Variants in ZNF469 observed in about 807,000 individuals in gnomAD.
The protein encoded by ZNF469 is zinc finger protein 469.
In ZNF469, 1 loss-of-function variant was observed where a neutral mutation model predicts 1.0. The ratio of observed to expected loss-of-function variants is 1.00; its 90% CI spans 0.35 to 4.73. The LOEUF is 4.73. ZNF469 is among the 30% of genes most tolerant of loss of function. The pLI, the probability that ZNF469 is intolerant of heterozygous loss-of-function variation, is 0.16. For synonymous variants in ZNF469, 2,703 were observed against 2,363.4 expected (o/e 1.14, Z -4.17); for missense variants, 6,100 against 5,356.3 (o/e 1.14, Z -4.33).
chr16:88,372,618 G>T, the ZNF469 span, among the ~76,000 whole-genome samples: 1 of 134,150 alleles, frequency 7.5e-6, no homozygotes, highest in Non-Finnish European at 1.6e-5. Context: ...CATGATCTTT[G>T]TCATCTTCAC....
chr16:88,123,458 C>A, the ZNF469 span, among the ~76,000 whole-genome samples: 1 of 151,994 alleles, frequency 6.6e-6, no homozygotes, highest in Non-Finnish European at 1.5e-5. Context: ...GAATAAACTG[C>A]CGTGGATGAA....
chr16:88,130,702 G>A, the ZNF469 span, among the ~76,000 whole-genome samples: 4 of 69,070 alleles, frequency 5.8e-5, no homozygotes, highest in African/African-American at 2.4e-4. Flanking sequence ...GTGAAACTCT[G>A]TGTCAAAAAA....
chr16:88,240,312 C>T, the ZNF469 span, among the ~76,000 whole-genome samples: 280 of 152,218 alleles, frequency 1.8e-3, 1 homozygote, highest in African/African-American at 6.3e-3. Flanking sequence ...TCCAGTCATT[C>T]CTCTAATAAT....
intron 1 of ZNF469, among the ~76,000 whole-genome samples, chr16:88,393,947 G>A (rs954211019): frequency 2.0e-5 from 3 of 152,210 alleles, no homozygotes; most frequent in African/African-American, 7.2e-5. Context: ...CTACACCTCT[G>A]CTGTCCGACA....
the ZNF469 span, among the ~76,000 whole-genome samples, chr16:88,139,865 G>C: frequency 6.6e-6 from 1 of 152,212 alleles, no homozygotes. Flanking sequence ...GAAATTCACA[G>C]AACCCCAGGC....
At chr16:88,336,391 CAT>C in the ZNF469 span, among the ~76,000 whole-genome samples, 17 of 150,786 alleles carry the variant, frequency 1.1e-4, no homozygotes, top group African/African-American at 3.7e-4. Flanking sequence ...CAACATCACA[CAT>C]GTTCATCCTT....
chr16:88,380,744 ACAGACATG>A (rs2092520316), upstream of ZNF469, among the ~76,000 whole-genome samples: 3 of 148,814 alleles, frequency 2.0e-5, no homozygotes, highest in African/African-American at 5.0e-5. Flanking sequence ...GCACTCACAC[ACAGACATG>A]CACTCACAGA....
chr16:88,344,296 A>C, the ZNF469 span, among the ~76,000 whole-genome samples: 21 of 152,270 alleles, frequency 1.4e-4, no homozygotes, highest in East Asian at 5.8e-4. Context: ...ACTTCAGTTC[A>C]TACCAACGTG....
At chr16:88,317,999 C>T in the ZNF469 span, among the ~76,000 whole-genome samples, 1,839 of 152,350 alleles carry the variant, frequency 0.012, 31 homozygotes, top group African/African-American at 0.041. Context: ...GCTTCCTCCT[C>T]CTGGCCCCAG....
At chr16:88,205,956 A>AG in the ZNF469 span, among the ~76,000 whole-genome samples, 22,662 of 151,562 alleles carry the variant, frequency 0.15, 1,888 homozygotes, top group East Asian at 0.29. This position sits in a 1 kb window ranked among gnomAD's most constrained non-coding sequence, Gnocchi z 4.2. Flanking sequence ...TTTCAGAGGA[A>AG]GGGGGGGGCC....
chr16:88,210,532 T>C, the ZNF469 span, among the ~76,000 whole-genome samples: 1 of 152,256 alleles, frequency 6.6e-6, no homozygotes, highest in South Asian at 2.1e-4. Context: ...TTCTGACATT[T>C]CCTTCTAGCA....
chr16:88,262,933 G>C, the ZNF469 span, among the ~76,000 whole-genome samples: 4 of 152,270 alleles, frequency 2.6e-5, no homozygotes, highest in African/African-American at 7.2e-5. The surrounding 1 kb of genome is among the most constrained non-coding windows in gnomAD (Gnocchi z 4.3). Flanking sequence ...AGCTCTGACC[G>C]GCTTGAGTGG....
chr16:88,274,873 A>G, the ZNF469 span, among the ~76,000 whole-genome samples: 1 of 152,364 alleles, frequency 6.6e-6, no homozygotes, highest in East Asian at 1.9e-4. Context: ...GACACTGGCA[A>G]ACATTGCTTA....
chr16:88,437,345 C>G lies in ZNF469; in HGVS notation c.9875C>G (p.Ser3292Cys), dbSNP rs753611720. ...GGGGCCGCGACCCCAGACAGCGCCT[C>G]TGCCACCGCCCTGGCTGACGCCGGC... ...PDGAATPDSASATALADAGSP... is the reference protein window; with the variant it reads ...PDGAATPDSACATALADAGSP... Residue 3292 changes from serine (S) to cysteine (C), a missense_variant, in exon 3 of 3, where the codon TCT becomes TGT. By Grantham distance (112) the Ser-to-Cys change is moderately radical. Coordinates refer to ENST00000565624, the MANE Select transcript of ZNF469 (RefSeq NM_001367624.2). 2.6e-6 allele frequency: 4 copies of G among 1,544,838 alleles called. No homozygotes were observed. The South Asian group carries it at 3.6e-5, about 14-fold the overall frequency.
At chr16:88,414,141 C>T (rs1905246206) in intron 1 of ZNF469, among the ~76,000 whole-genome samples, 1 of 152,246 alleles carries the variant, frequency 6.6e-6, no homozygotes, top group African/African-American at 2.4e-5. Context: ...CCCTGTCACC[C>T]TCAGGGCCTA....
the ZNF469 span, among the ~76,000 whole-genome samples, chr16:88,268,219 T>C: frequency 1.3e-5 from 2 of 152,226 alleles, no homozygotes; most frequent in Non-Finnish European, 2.9e-5. Flanking sequence ...GCATGAGCCC[T>C]GCGTTCCCAT....
chr16:88,222,044 C>T, the ZNF469 span, among the ~76,000 whole-genome samples: 8 of 152,092 alleles, frequency 5.3e-5, no homozygotes, highest in African/African-American at 2.4e-5. Flanking sequence ...ATTCAACCCC[C>T]CTCATCACAC....
chr16:88,147,095 G>A, the ZNF469 span, among the ~76,000 whole-genome samples: 1 of 152,106 alleles, frequency 6.6e-6, no homozygotes, highest in African/African-American at 2.4e-5. Context: ...TCCCTTTCCA[G>A]GGAGAGGACC....
At chr16:88,426,400 G>T (rs1019240477) in intron 2 of ZNF469, among the ~76,000 whole-genome samples, 1 of 152,282 alleles carries the variant, frequency 6.6e-6, no homozygotes, top group Non-Finnish European at 1.5e-5. Context: ...AGCGGCCTGC[G>T]CACCTCGTGG....
Sources: gnomAD v4.1 joint callset for allele counts (sites outside exome capture counted in the v4.1 genomes callset) on GRCh38, gnomAD v4.1.1 for gene constraint, Gnocchi (gnomAD v3.1) non-coding constraint, MANE v1.5 for transcripts, NCBI Gene and HGNC (gene_info 2026-07-23, HGNC 2026-07-21) for gene names.